The following BAAT variants were observed in gnomAD, a reference collection of about 807,000 sequenced individuals.
BAAT encodes bile acid CoA: amino acid N-acyltransferase (glycine N-choloyltransferase).
A neutral mutation model predicts 18.9 loss-of-function variants in BAAT; 13 were observed. The ratio of observed to expected loss-of-function variants is 0.69; its 90% CI spans 0.45 to 1.10. The LOEUF is 1.10. BAAT is among the 50% of genes least tolerant of loss of function. BAAT has a pLI of 0.00. For synonymous variants in BAAT, 170 were observed against 190.7 expected (o/e 0.89, Z 0.89); for missense variants, 489 against 504.0 (o/e 0.97, Z 0.28).
chr9:101,382,687 C>T (rs1023191743), intron 1 of BAAT, among the ~76,000 whole-genome samples: 4 of 152,124 alleles, frequency 2.6e-5, no homozygotes, highest in South Asian at 4.1e-4. Context: ...TTCTTTCTTT[C>T]GAGGAGGCAA....
At chr9:101,374,401 G>A (rs894669350) in intron 1 of BAAT, among the ~76,000 whole-genome samples, 2 of 150,872 alleles carry the variant, frequency 1.3e-5, no homozygotes, top group African/African-American at 2.4e-5. Context: ...TCTAAGTTCA[G>A]CACTAAAAAT....
rs79172147 is a variant in BAAT at position 101,368,010 on chromosome 9, C to A, written c.669+110G>T. The A allele has an allele frequency of 0.089, 100,905 of 1,136,138 alleles. 5,280 individuals carry two copies. The highest frequency in any genetic ancestry group is 0.16 in the South Asian group (12,212 of 76,878). The allele number at this position is 1,136,138 out of a possible 1,614,324, so 70.4% of individuals were successfully genotyped here. A position where few individuals can be genotyped will look rare whatever the true frequency, so the allele number is the denominator to read the frequency against. ...GCTTCTGGCCAAGTGTCAGATCATG[C>A]CACTGCACTCCAGCCTGGGTGACGG... On this transcript the variant is annotated intron_variant, in intron 3 of 3. Coordinates refer to ENST00000259407, the MANE Select transcript of BAAT (RefSeq NM_001701.4).
intron 3 of BAAT, among the ~76,000 whole-genome samples, chr9:101,366,748 G>A (rs752533642): frequency 5.3e-5 from 8 of 151,314 alleles, no homozygotes; most frequent in Non-Finnish European, 1.0e-4. Context: ...TACATCAGTA[G>A]ATTGTCAGTA....
intron 3 of BAAT, among the ~76,000 whole-genome samples, chr9:101,363,687 A>C (rs868393790): frequency 6.6e-6 from 1 of 152,048 alleles, no homozygotes; most frequent in Admixed American, 6.6e-5. Flanking sequence ...CATAAATTCT[A>C]TGATATGAGA....
intron 1 of BAAT, 82 bp from the exon 2 acceptor site, chr9:101,371,545 C>A: frequency 1.2e-6 from 1 of 852,720 alleles, no homozygotes. Flanking sequence ...GCAGTCAGAC[C>A]ACTTAGGAGT....
chr9:101,374,334 A>C (rs1432145877), intron 1 of BAAT, among the ~76,000 whole-genome samples: 1 of 152,160 alleles, frequency 6.6e-6, no homozygotes, highest in Non-Finnish European at 1.5e-5. Flanking sequence ...GTAAATATGC[A>C]TCTTCAGTCT....
chr9:101,381,458 A>C (rs1762616212), intron 1 of BAAT, among the ~76,000 whole-genome samples: 2 of 152,190 alleles, frequency 1.3e-5, no homozygotes, highest in Admixed American at 1.3e-4. Flanking sequence ...CAAGAGGTCA[A>C]GGATGCAGTG....
intron 3 of BAAT, among the ~76,000 whole-genome samples, chr9:101,365,095 A>T (rs1829804191): frequency 6.6e-6 from 1 of 152,192 alleles, no homozygotes; most frequent in South Asian, 2.1e-4. Flanking sequence ...CCCAGTTACC[A>T]ATTTGGTTGG....
chr9:101,363,265 A>G (rs1829769236), intron 3 of BAAT, among the ~76,000 whole-genome samples: 1 of 152,220 alleles, frequency 6.6e-6, no homozygotes, highest in Non-Finnish European at 1.5e-5. Flanking sequence ...AAAATGCCCT[A>G]AAGAAATGCA....
At position 101,368,220 on chromosome 9, in the gene BAAT, G is replaced by A. The variant is rs1829866389; in HGVS notation, c.569C>T (p.Ala190Val). The change falls in exon 3 of 4, where the codon GCC (alanine) becomes GTC (valine). Residue 190 changes from alanine to valine, a missense_variant. Coordinates refer to ENST00000259407, the MANE Select transcript of BAAT (RefSeq NM_001701.4). ...GTCTTCATAGTTATGGTAAGCCAAG[G>A]CCAAGGAGGCGAAGCCACGACTGGC... ...LLASRGFASL[A>V]LAYHNYEDLP... 6.2e-7 allele frequency: 1 copy of A among 1,613,892 alleles called. No individual in the cohort carries two copies. The highest frequency in any genetic ancestry group is 2.2e-5 in the East Asian group (1 of 44,854).
In BAAT at chr9:101,368,205, T is replaced by A; in HGVS notation, c.584A>T (p.Asn195Ile). ...TGGTTTGCGGGGCAGGTCTTCATAG[T>A]TATGGTAAGCCAAGGCCAAGGAGGC... Reference protein sequence around the residue: ...GFASLALAYHNYEDLPRKPEV... With the variant: ...GFASLALAYHIYEDLPRKPEV... Residue 195 changes from asparagine to isoleucine, a missense_variant, in exon 3 of 4, where the codon AAC becomes ATC. By Grantham distance (149) the Asn-to-Ile change is moderately radical (BLOSUM62 -3). Coordinates refer to ENST00000259407, the MANE Select transcript of BAAT (RefSeq NM_001701.4). 6.2e-7 allele frequency: 1 copy of A among 1,614,150 alleles called. No homozygotes were observed. The highest frequency in any genetic ancestry group is 8.5e-7 in the Non-Finnish European group (1 of 1,180,014).
At chr9:101,370,075 G>T (rs1829905070) in intron 2 of BAAT, among the ~76,000 whole-genome samples, 1 of 152,054 alleles carries the variant, frequency 6.6e-6, no homozygotes. Context: ...CCAGCTTGTT[G>T]TGGCAACAAG....
rs1402775679 is a variant in BAAT, at chr9:101,361,009, T to TG, written c.*1418dup. On this transcript the variant is annotated 3_prime_UTR_variant, in exon 4 of 4. Coordinates refer to ENST00000259407, the MANE Select transcript of BAAT (RefSeq NM_001701.4). ...GTAAGATCATGTTAGCAGCCAGTGT[T>TG]GGAGTAAGACATGGATCTTGACCCT... 2 of 174,424 alleles carry TG rather than the reference T, an allele frequency of 1.1e-5. No individual in the cohort carries two copies. The highest frequency in any genetic ancestry group is 2.8e-4 in the East Asian group (2 of 7,184). The allele number at this position is 174,424 out of a possible 1,614,324, so 10.8% of individuals were successfully genotyped here.
rs1161508270 is a variant in BAAT, at chr9:101,362,272, G to C, written c.*156C>G. On this transcript the variant is annotated 3_prime_UTR_variant, in exon 4 of 4. Transcript: ENST00000259407. ...TTGGTTAGCTTGTTATGCAGTATAA[G>C]TGAAATATCAGGTTTTTACCCTATG... The C allele has an allele frequency of 6.5e-6, 5 of 764,766 alleles. No individual in the cohort carries two copies. In the African/African-American group the frequency reaches 8.7e-5, roughly 13 times the overall value. 47.4% of individuals were successfully genotyped at this position (764,766 alleles called of 1,614,324 possible).
At chr9:101,366,781 C>G (rs1197846218) in intron 3 of BAAT, among the ~76,000 whole-genome samples, 1 of 151,710 alleles carries the variant, frequency 6.6e-6, no homozygotes, top group African/African-American at 2.4e-5. Context: ...CTTATTTCTG[C>G]AAACCTGATT....
chr9:101,380,420 A>T (rs1156242969), intron 1 of BAAT, among the ~76,000 whole-genome samples: 1 of 152,096 alleles, frequency 6.6e-6, no homozygotes, highest in African/African-American at 2.4e-5. Context: ...CTCTCTGAGA[A>T]ACTGTTTTGT....
At chr9:101,376,395 C>G (rs938970893) in intron 1 of BAAT, 2 of 185,730 alleles carry the variant, frequency 1.1e-5, no homozygotes, top group African/African-American at 4.7e-5. Context: ...CTTACCAAAG[C>G]CAGAATTCTG....
Position 101,362,347 on chromosome 9 carries a change from G to T in BAAT, c.*81C>A. 1 of 1,390,798 alleles carries T rather than the reference G, an allele frequency of 7.2e-7. No individual in the cohort carries two copies. Among genetic ancestry groups the T allele is most frequent in the Non-Finnish European group, 1.0e-6 (1 of 994,540 alleles). 86.2% of individuals were successfully genotyped at this position (1,390,798 alleles called of 1,614,324 possible). On this transcript the variant is annotated 3_prime_UTR_variant, in exon 4 of 4. Coordinates refer to ENST00000259407, the MANE Select transcript of BAAT (RefSeq NM_001701.4). ...ACAAAATGTGTGTGTGGCAGCTGGGGGAGACATTCCGCCATGAAAATTGAG... is the reference window on the plus strand; with the variant it reads ...ACAAAATGTGTGTGTGGCAGCTGGGTGAGACATTCCGCCATGAAAATTGAG...
chr9:101,379,768 T>C (rs554632158), intron 1 of BAAT, among the ~76,000 whole-genome samples: 1 of 152,354 alleles, frequency 6.6e-6, no homozygotes, highest in South Asian at 2.1e-4. Flanking sequence ...ATTTTCTTCA[T>C]GTTGTTTTTA....
Sources: allele counts gnomAD v4.1 joint callset (sites outside exome capture counted in the v4.1 genomes callset), GRCh38; gene constraint gnomAD v4.1.1; transcripts MANE v1.5; gene names NCBI Gene and HGNC (gene_info 2026-07-23, HGNC 2026-07-21).